Variants in SETBP1 observed in about 807,000 individuals in gnomAD.
SETBP1 encodes SET binding protein 1.
In SETBP1, 9 loss-of-function variants were observed where a neutral mutation model predicts 101.0. The ratio of observed to expected loss-of-function variants is 0.09; its 90% CI spans 0.05 to 0.16. SETBP1 has a LOEUF of 0.16. Among genes scored for constraint, SETBP1 ranks in the 10% least tolerant of loss-of-function variants. The pLI, the probability that SETBP1 is intolerant of heterozygous loss-of-function variation, is 1.00. For synonymous variants in SETBP1, 818 were observed against 788.5 expected (o/e 1.04, Z -0.63); for missense variants, 1,858 against 2,033.8 (o/e 0.91, Z 1.66).
chr18:44,906,904 G>C (rs2070189052), intron 3 of SETBP1, among the ~76,000 whole-genome samples: 1 of 152,048 alleles, frequency 6.6e-6, no homozygotes, highest in South Asian at 2.1e-4. Flanking sequence ...CTTTTAAAAA[G>C]ATACAAAATA....
rs117498128 is a variant in SETBP1 at position 45,063,305 on chromosome 18, G to T, written c.4398G>T (p.Glu1466Asp). 13,512 of 1,604,890 alleles carry T rather than the reference G, an allele frequency of 8.4e-3. 183 individuals are homozygous for T. The highest frequency in any genetic ancestry group is 0.04 in the South Asian group (3,585 of 89,742). Residue 1466 changes from glutamate to aspartate, a missense_variant, in exon 6 of 6, where the codon GAG becomes GAT. Around this residue, in one of 12 missense-constraint regions of SETBP1, gnomAD observed 178 missense variants for 189.1 expected, o/e 0.94. Coordinates refer to ENST00000649279, the MANE Select transcript of SETBP1 (RefSeq NM_015559.3). ...RPRKQPTQFD[E>D]DSRDQMPVLE... ...GGAAGCAGCCCACCCAGTTCGATGA[G>T]GACTCCAGAGACCAAATGCCGGTGC...
At chr18:44,811,768 A>G (rs961796332) in intron 2 of SETBP1, among the ~76,000 whole-genome samples, 2 of 152,328 alleles carry the variant, frequency 1.3e-5, no homozygotes, top group African/African-American at 4.8e-5. Context: ...TGAGGACTAC[A>G]AGCCTGCCAT....
At chr18:44,839,500 G>C (rs966333084) in intron 2 of SETBP1, among the ~76,000 whole-genome samples, 4 of 152,186 alleles carry the variant, frequency 2.6e-5, no homozygotes, top group African/African-American at 9.7e-5. Flanking sequence ...TTACAGATGT[G>C]ATGGAGAACC....
intron 4 of SETBP1, among the ~76,000 whole-genome samples, chr18:45,033,473 A>T (rs1490106809): frequency 2.0e-5 from 3 of 152,216 alleles, no homozygotes; most frequent in Non-Finnish European, 2.9e-5. Context: ...TTGCAAGCTT[A>T]AAAACCACTA....
chr18:44,981,614 T>C (rs2072114065), intron 4 of SETBP1, among the ~76,000 whole-genome samples: 1 of 152,244 alleles, frequency 6.6e-6, no homozygotes, highest in African/African-American at 2.4e-5. Context: ...CCAGGGGTTA[T>C]TATGGCAGCC....
chr18:45,040,492 C>T (rs1263189027), intron 5 of SETBP1, among the ~76,000 whole-genome samples: 2 of 152,160 alleles, frequency 1.3e-5, no homozygotes, highest in Admixed American at 1.3e-4. Flanking sequence ...TCAACCTTGT[C>T]GATTAAGCAC....
intron 3 of SETBP1, among the ~76,000 whole-genome samples, chr18:44,924,584 G>A (rs1244096279): frequency 6.6e-6 from 1 of 152,262 alleles, no homozygotes; most frequent in Non-Finnish European, 1.5e-5. Context: ...AACCAGGTTT[G>A]TTAATATGCT....
At chr18:44,784,654 A>G (rs2071200165) in intron 2 of SETBP1, among the ~76,000 whole-genome samples, 1 of 152,226 alleles carries the variant, frequency 6.6e-6, no homozygotes, top group African/African-American at 2.4e-5. Context: ...TTAAGCTCCA[A>G]TAGACTTATT....
intron 4 of SETBP1, among the ~76,000 whole-genome samples, chr18:45,015,305 C>T (rs898664931): frequency 6.6e-6 from 1 of 152,118 alleles, no homozygotes; most frequent in African/African-American, 2.4e-5. Flanking sequence ...TGTGTCAGGC[C>T]ATCTCACATT....
At chr18:44,940,250 C>T (rs1259001768) in intron 3 of SETBP1, among the ~76,000 whole-genome samples, 1 of 152,122 alleles carries the variant, frequency 6.6e-6, no homozygotes, top group Non-Finnish European at 1.5e-5. Context: ...TACTTTTAAG[C>T]TGTCTTTGTA....
chr18:44,700,239 A>G (rs971561458), intron 1 of SETBP1, among the ~76,000 whole-genome samples: 11 of 152,140 alleles, frequency 7.2e-5, no homozygotes, highest in African/African-American at 2.7e-4. Flanking sequence ...CAGTTTGGAG[A>G]GAGCCTAACT....
intron 3 of SETBP1, among the ~76,000 whole-genome samples, chr18:44,927,479 ACT>A (rs953855352): frequency 6.6e-6 from 1 of 152,158 alleles, no homozygotes; most frequent in Non-Finnish European, 1.5e-5. Flanking sequence ...AAAAGACAAA[ACT>A]CTCTAAGAAA....
intron 2 of SETBP1, among the ~76,000 whole-genome samples, chr18:44,811,712 C>G (rs537773514): frequency 6.6e-6 from 1 of 152,262 alleles, no homozygotes; most frequent in South Asian, 2.1e-4. Context: ...GCCTTTCTTC[C>G]CCTACCATGA....
intron 4 of SETBP1, among the ~76,000 whole-genome samples, chr18:44,983,604 C>T (rs2072162823): frequency 6.6e-6 from 1 of 152,214 alleles, no homozygotes; most frequent in Admixed American, 6.5e-5. Flanking sequence ...GTCCCTCCTG[C>T]TGCAGCAGCA....
intron 4 of SETBP1, among the ~76,000 whole-genome samples, chr18:44,971,834 C>T (rs1486237614): frequency 6.6e-6 from 1 of 151,836 alleles, no homozygotes; most frequent in African/African-American, 2.4e-5. Context: ...GTTGCCTGTT[C>T]ACTCTGATGG....
intron 4 of SETBP1, among the ~76,000 whole-genome samples, chr18:45,013,580 C>G (rs1460113826): frequency 2.0e-5 from 3 of 152,168 alleles, no homozygotes; most frequent in Admixed American, 1.3e-4. Flanking sequence ...GCTGGGACTA[C>G]AGGTGCCTGC....
At chr18:44,783,569 G>C (rs573498248) in intron 2 of SETBP1, among the ~76,000 whole-genome samples, 1 of 152,316 alleles carries the variant, frequency 6.6e-6, no homozygotes, top group East Asian at 1.9e-4. Flanking sequence ...TGGCAGTAGT[G>C]CAGAGTCAAT....
At chr18:45,027,422 T>G (rs1204083953) in intron 4 of SETBP1, among the ~76,000 whole-genome samples, 2 of 152,186 alleles carry the variant, frequency 1.3e-5, no homozygotes, top group African/African-American at 4.8e-5. Flanking sequence ...CAATGTCTCA[T>G]GATTTCAGTC....
chr18:44,765,167 A>G (rs1470650364), intron 2 of SETBP1, among the ~76,000 whole-genome samples: 3 of 152,080 alleles, frequency 2.0e-5, no homozygotes, highest in Non-Finnish European at 2.9e-5. Context: ...CACAAACCAC[A>G]CTTTCCTTGT....
Sources: gnomAD v4.1 joint callset for allele counts (sites outside exome capture counted in the v4.1 genomes callset) on GRCh38, gnomAD v4.1.1 for gene constraint, gnomAD v4.1.1 regional missense constraint, MANE v1.5 for transcripts, NCBI Gene and HGNC (gene_info 2026-07-23, HGNC 2026-07-21) for gene names.